The following BIRC6 variants were observed in gnomAD, a reference collection of about 807,000 sequenced individuals.
BIRC6 encodes the protein baculoviral IAP repeat containing 6, also known as dual E2 ubiquitin-conjugating enzyme/E3 ubiquitin-protein ligase BIRC6.
A neutral mutation model predicts 503.3 loss-of-function variants in BIRC6; 98 were observed. The observed-to-expected ratio is 0.19, with a 90% CI of 0.17 to 0.23. The LOEUF (loss-of-function observed/expected upper bound fraction) is 0.23. Among genes scored for constraint, BIRC6 ranks in the 10% least tolerant of loss-of-function variants. The probability of loss-of-function intolerance (pLI) is 1.00; values close to 1 mark genes in which losing one functional copy is unlikely to be tolerated. For missense variants in BIRC6, 5,360 were observed against 5,806.0 expected, an observed-to-expected ratio of 0.92 and a Z score of 2.50; for synonymous variants, 2,240 against 2,078.7, an observed-to-expected ratio of 1.08 and a Z score of -2.11.
intron 65 of BIRC6, among the ~76,000 whole-genome samples, chr2:32,571,460 A>T (rs1323763098): frequency 7.1e-6 from 1 of 140,292 alleles, no homozygotes. Flanking sequence ...TTGTTTAGAA[A>T]TTCAGTTTGT....
Position 32,433,587 on chromosome 2 carries a change from G to C in BIRC6, c.3249-57G>C, listed in dbSNP as rs1023444332. ...GGAAAGGTGACCTTAATGATAATAT[G>C]GTTGTGGCTGAAGAAAGATTTTTGC... is the stretch of plus-strand genomic sequence containing the variant. On this transcript the variant is annotated intron_variant, in intron 12 of 73. Coordinates refer to ENST00000421745, the MANE Select transcript of BIRC6 (RefSeq NM_016252.4). The C allele has an allele frequency of 3.5e-6, 5 of 1,414,958 alleles. No homozygotes were observed. In the Admixed American group the frequency reaches 8.0e-5, roughly 23 times the overall value. The allele number at this position is 1,414,958 out of a possible 1,614,324, so 87.7% of individuals were successfully genotyped here. A position where few individuals can be genotyped will look rare whatever the true frequency, so the allele number is the denominator to read the frequency against.
intron 45 of BIRC6, among the ~76,000 whole-genome samples, chr2:32,497,847 C>A (rs1166706776): frequency 6.6e-6 from 1 of 151,980 alleles, no homozygotes; most frequent in Non-Finnish European, 1.5e-5. Flanking sequence ...TTTTCTAATA[C>A]AAGCATTTGA....
chr2:32,469,617 A>G lies in BIRC6; in HGVS notation c.6347+3A>G. 6.3e-7 allele frequency: 1 copy of G among 1,598,636 alleles called. No individual in the cohort carries two copies. Among genetic ancestry groups the G allele is most frequent in the Non-Finnish European group, 8.5e-7 (1 of 1,170,716 alleles). ...CTTCTCATCTTTCCACAGGATAGGTAGGTCAGAAAATGTTGGAGGTATTTG... is the reference window on the plus strand; with the variant it reads ...CTTCTCATCTTTCCACAGGATAGGTGGGTCAGAAAATGTTGGAGGTATTTG... On this transcript the variant is annotated splice_donor_region_variant and intron_variant, in intron 30 of 73. Transcript: ENST00000421745.
In BIRC6 at chr2:32,479,513, G is replaced by T. The variant is rs1269301253; in HGVS notation, c.7304G>T (p.Gly2435Val). 2 of 1,605,618 alleles carry T rather than the reference G, an allele frequency of 1.2e-6. No homozygotes were observed. The highest frequency in any genetic ancestry group is 1.1e-5 in the South Asian group (1 of 89,292). The part of the protein sequence containing the change: ...AAEAMEEGTV[G>V]DDVGATAGDS... ...GAAGCCATGGAGGAAGGAACAGTGG[G>T]TGATGATGTAGGTGCGACAGCTGGT... is the stretch of plus-strand genomic sequence containing the variant. Residue 2435 changes from glycine (G) to valine (V), a missense_variant, in exon 37 of 74, where the codon GGT becomes GTT. Physicochemically the swap from Gly to Val is moderately radical, Grantham distance 109. Around this residue, in one of 16 missense-constraint regions of BIRC6, gnomAD observed 2,299 missense variants for 2,267.2 expected, o/e 1.01. Transcript: ENST00000421745.
At chr2:32,505,592 C>T (rs1259757328) in intron 50 of BIRC6, among the ~76,000 whole-genome samples, 3 of 152,102 alleles carry the variant, frequency 2.0e-5, no homozygotes, top group East Asian at 1.9e-4. Context: ...GATTTGTGTG[C>T]CTGCCCTCCA....
rs1173973655 is a variant in BIRC6 at position 32,504,021 on chromosome 2, GGT to G, written c.9499+787_9499+788del. The stretch of plus-strand genomic sequence containing the variant: ...CGTGTTTCACCACACTGGGGCGGGG[GGT>G]GGGGGGGTGTTTGTGTGTGTGTGTG... On this transcript the variant is annotated intron_variant, in intron 49 of 73. Coordinates refer to ENST00000421745, the MANE Select transcript of BIRC6 (RefSeq NM_016252.4). Among the ~76,000 whole-genome samples the G allele has an allele frequency of 9.1e-4, 83 of 91,564 alleles. 1 individual carries two copies. The highest frequency in any genetic ancestry group is 3.7e-3 in the African/African-American group (81 of 21,762). 60.1% of individuals were successfully genotyped at this position (91,564 alleles called of 152,430 possible).
intron 8 of BIRC6, among the ~76,000 whole-genome samples, chr2:32,402,734 A>G (rs910642752): frequency 1.3e-5 from 2 of 152,156 alleles, no homozygotes; most frequent in Admixed American, 6.5e-5. Flanking sequence ...GATATTAAGC[A>G]TGCTTAATTT....
intron 23 of BIRC6, among the ~76,000 whole-genome samples, chr2:32,460,264 ATATATATATTTTTTTTTTT>A (rs1282200849): frequency 1.4e-4 from 4 of 29,484 alleles, no homozygotes; most frequent in African/African-American, 5.5e-4. Context: ...ATATATATAT[ATATATATATTTTTTTTTTT>A]TTTTTTTTTT....
At chr2:32,572,920 A>AT (rs2060015585) in intron 65 of BIRC6, among the ~76,000 whole-genome samples, 3 of 152,188 alleles carry the variant, frequency 2.0e-5, no homozygotes, top group Admixed American at 2.0e-4. Flanking sequence ...ATCAGTTACC[A>AT]TACAAAGTAC....
At chr2:32,514,196 C>G (rs1366850937) in intron 54 of BIRC6, among the ~76,000 whole-genome samples, 1 of 152,152 alleles carries the variant, frequency 6.6e-6, no homozygotes, top group Non-Finnish European at 1.5e-5. Context: ...TGGCATGTTC[C>G]TCTATCCCTA....
At chr2:32,553,976 C>G (rs939725807) in intron 65 of BIRC6, among the ~76,000 whole-genome samples, 1 of 152,068 alleles carries the variant, frequency 6.6e-6, no homozygotes, top group African/African-American at 2.4e-5. Flanking sequence ...CTGAAAGTTG[C>G]GTTTTGTAGG....
intron 13 of BIRC6, 55 bp from the exon 14 acceptor site, chr2:32,435,441 T>A: frequency 1.4e-6 from 2 of 1,465,572 alleles, no homozygotes; most frequent in Non-Finnish European, 1.8e-6. Context: ...TTACTAATAT[T>A]TTTATCCTCT....
At chr2:32,547,757 A>G in intron 63 of BIRC6, 93 bp from the exon 64 acceptor site, 2 of 1,163,610 alleles carry the variant, frequency 1.7e-6, no homozygotes, top group East Asian at 2.7e-5. Flanking sequence ...TGTTTTCCAT[A>G]GTAGCTTCAT....
Position 32,414,941 on chromosome 2 carries a change from A to T in BIRC6, c.1650A>T (p.Glu550Asp). 6.2e-7 allele frequency: 1 copy of T among 1,613,998 alleles called. No individual in the cohort carries two copies. Among genetic ancestry groups the T allele is most frequent in the Non-Finnish European group, 8.5e-7 (1 of 1,179,882 alleles). ...ANPCLTNSKS[E>D]KTKEKHQEQH... is the part of the protein sequence containing the mutation. Reference sequence around the variant, plus strand: ...CTTGTTTAACAAACTCTAAGAGTGAAAAGACAAAGGAAAAGCACCAGGAGC... The same window carrying T: ...CTTGTTTAACAAACTCTAAGAGTGATAAGACAAAGGAAAAGCACCAGGAGC... Residue 550 changes from glutamate to aspartate, a missense_variant, in exon 10 of 74, where the codon GAA becomes GAT. By Grantham distance (45) the Glu-to-Asp change is conservative. Coordinates refer to ENST00000421745, the MANE Select transcript of BIRC6 (RefSeq NM_016252.4).
intron 22 of BIRC6, among the ~76,000 whole-genome samples, chr2:32,449,433 GT>G (rs980266813): frequency 1.3e-5 from 2 of 152,106 alleles, no homozygotes; most frequent in African/African-American, 4.8e-5. Flanking sequence ...TAAAGAATGT[GT>G]TTTTCGGATG....
rs377290464 is a variant in BIRC6 at position 32,415,057 on chromosome 2, G to C, written c.1766G>C (p.Arg589Thr). The change falls in exon 10 of 74, where the codon AGG becomes ACG. Residue 589 changes from arginine to threonine, a missense_variant. By Grantham distance (71) the Arg-to-Thr change is moderately conservative (BLOSUM62 -1). Transcript: ENST00000421745. ...ATSPISSNSH[R>T]SLDGLSRTQG... is the part of the protein sequence containing the mutation. ...TCACCCATTAGTAGTAATTCTCACA[G>C]GTCACTGGATGGTTTAAGCAGAACT... is the stretch of plus-strand genomic sequence containing the variant. 3.7e-6 allele frequency: 6 copies of C among 1,613,768 alleles called. No homozygotes were observed. Among genetic ancestry groups the C allele is most frequent in the Non-Finnish European group, 5.1e-6 (6 of 1,179,882 alleles).
chr2:32,424,672 C>T (rs549998237), intron 10 of BIRC6, among the ~76,000 whole-genome samples: 4 of 152,020 alleles, frequency 2.6e-5, no homozygotes, highest in African/African-American at 9.6e-5. Flanking sequence ...ACCACCACGC[C>T]CAGCTATTTT....
chr2:32,449,987 A>G lies in BIRC6; in HGVS notation c.4618+1059A>G, dbSNP rs148360442. ...TCTTCTCTATCCAAGTGATGCATCA[A>G]TTAGACCATTGTAATTTATGATTGG... On this transcript the variant is annotated intron_variant, in intron 22 of 73. Transcript: ENST00000421745. 9.8e-5 allele frequency among the ~76,000 whole-genome samples: 15 copies of G among 152,308 alleles called. No individual in the cohort carries two copies. In the South Asian group the frequency reaches 2.9e-3, roughly 29 times the overall value.
At chr2:32,449,049 T>C in intron 22 of BIRC6, 121 bp downstream of exon 22, 7 of 854,854 alleles carry the variant, frequency 8.2e-6, no homozygotes, top group Non-Finnish European at 1.2e-5. Flanking sequence ...TCCTTAGAAC[T>C]TATCATATGA....
Sources: gnomAD v4.1 joint callset for allele counts (sites outside exome capture counted in the v4.1 genomes callset) on GRCh38, gnomAD v4.1.1 for gene constraint, gnomAD v4.1.1 regional missense constraint, MANE v1.5 for transcripts, NCBI Gene and HGNC (gene_info 2026-07-23, HGNC 2026-07-21) for gene names.